Variants in NPAS2 observed in about 807,000 individuals in gnomAD.
The protein encoded by NPAS2 is neuronal PAS domain-containing protein 2.
NPAS2 carries 23 observed loss-of-function variants against 107.5 expected under a neutral mutation model. The observed-to-expected ratio is 0.21, with a 90% CI of 0.15 to 0.30. The LOEUF is 0.30. Among genes scored for constraint, NPAS2 ranks in the 10% least tolerant of loss-of-function variants. The pLI, the probability that NPAS2 is intolerant of heterozygous loss-of-function variation, is 1.00. For synonymous variants in NPAS2, 403 were observed against 417.5 expected (o/e 0.97, Z 0.42); for missense variants, 756 against 1,043.3 (o/e 0.72, Z 3.79).
At chr2:100,907,553 T>C (rs1334621377) in intron 2 of NPAS2, among the ~76,000 whole-genome samples, 1 of 151,642 alleles carries the variant, frequency 6.6e-6, no homozygotes, top group African/African-American at 2.4e-5. Flanking sequence ...TCAAAGTAGT[T>C]TTTATAGCAG....
Position 100,871,329 on chromosome 2 carries a change from G to GT in NPAS2, c.-22-33384dup, listed in dbSNP as rs5832938. ...TGCTGCCCACCTCTTCTTCTTCCTT[G>GT]TTTTTTTTTTTTTTTTTTTTAAAGA... On this transcript the variant is annotated intron_variant, in intron 1 of 20. Coordinates refer to ENST00000335681, the MANE Select transcript of NPAS2 (RefSeq NM_002518.4). Among the ~76,000 whole-genome samples, 1,183 of 127,514 alleles carry GT rather than the reference G, an allele frequency of 9.3e-3. 14 individuals carry two copies. Among genetic ancestry groups the GT allele is most frequent in the African/African-American group, 0.025 (868 of 34,172 alleles). The allele number at this position is 127,514 out of a possible 152,430, so 83.7% of individuals were successfully genotyped here. A position where few individuals can be genotyped will look rare whatever the true frequency, so the allele number is the denominator to read the frequency against.
chr2:100,946,142 AAT>A (rs1674882498), intron 5 of NPAS2, among the ~76,000 whole-genome samples: 1 of 152,166 alleles, frequency 6.6e-6, no homozygotes, highest in Non-Finnish European at 1.5e-5. Flanking sequence ...GCATTTATTG[AAT>A]GTCTGCCACG....
intron 1 of NPAS2, among the ~76,000 whole-genome samples, chr2:100,883,083 A>G (rs1475462987): frequency 1.3e-5 from 2 of 152,186 alleles, no homozygotes; most frequent in African/African-American, 4.8e-5. Context: ...AGTGTCTATG[A>G]TGGATTGGAA....
intron 5 of NPAS2, among the ~76,000 whole-genome samples, chr2:100,946,670 C>T (rs780469453): frequency 5.9e-5 from 9 of 152,172 alleles, no homozygotes; most frequent in East Asian, 3.9e-4. Flanking sequence ...TTATGAGGCT[C>T]CTCTGACTGC....
intron 1 of NPAS2, among the ~76,000 whole-genome samples, chr2:100,862,165 A>G (rs1678982428): frequency 6.6e-6 from 1 of 152,232 alleles, no homozygotes; most frequent in Admixed American, 6.5e-5. Context: ...AAAAAAAAGA[A>G]TACATCTCAA....
intron 1 of NPAS2, chr2:100,901,524 C>G (rs959878077): frequency 2.0e-6 from 2 of 985,300 alleles, no homozygotes; most frequent in Non-Finnish European, 2.4e-6. Context: ...GGGCGTGTTC[C>G]CTTCTCTCTT....
chr2:100,933,805 C>T (rs552401486), intron 4 of NPAS2, among the ~76,000 whole-genome samples: 109 of 152,274 alleles, frequency 7.2e-4, no homozygotes, highest in African/African-American at 2.3e-3. Flanking sequence ...GACATATCCA[C>T]GCCCGCAACC....
At chr2:100,964,996 C>T (rs752776380) in intron 9 of NPAS2, 53 bp downstream of exon 9, 131 of 1,202,788 alleles carry the variant, frequency 1.1e-4, no homozygotes, top group Admixed American at 1.5e-4. Context: ...GTCTTGTTTG[C>T]GTGAGCCAGG....
In NPAS2 at chr2:100,957,890, T is replaced by C. The variant is rs189045037; in HGVS notation, c.599-6168T>C. 1.6e-3 allele frequency among the ~76,000 whole-genome samples: 236 copies of C among 152,238 alleles called. 3 individuals carry two copies. Among genetic ancestry groups the C allele is most frequent in the Non-Finnish European group, 5.1e-4 (35 of 68,018 alleles). On this transcript the variant is annotated intron_variant, in intron 7 of 20. Transcript: ENST00000335681. ...TTGCCGTGAGCTGAGATCGCGCCAC[T>C]GCACTCCAGCCTGGGCGACAGAGCG...
At chr2:100,952,017 TGGC>T (rs1179360253) in intron 7 of NPAS2, among the ~76,000 whole-genome samples, 1 of 151,620 alleles carries the variant, frequency 6.6e-6, no homozygotes. Context: ...GGCGTGGTGG[TGGC>T]GGGCGCCTGT....
At chr2:100,867,055 G>A (rs1025752486) in intron 1 of NPAS2, among the ~76,000 whole-genome samples, 2 of 152,326 alleles carry the variant, frequency 1.3e-5, no homozygotes, top group African/African-American at 4.8e-5. Context: ...TGAAGTGGAT[G>A]CTCCAAATCC....
intron 1 of NPAS2, among the ~76,000 whole-genome samples, chr2:100,861,531 C>G (rs536529388): frequency 6.6e-6 from 1 of 152,170 alleles, no homozygotes; most frequent in East Asian, 1.9e-4. Flanking sequence ...GGTTCTGATT[C>G]GGGCCTGTGC....
intron 6 of NPAS2, 75 bp from the exon 7 acceptor site, chr2:100,949,292 C>A: frequency 1.2e-6 from 1 of 859,680 alleles, no homozygotes; most frequent in Non-Finnish European, 2.0e-6. Context: ...AGAGTTTTCA[C>A]AGAGACGCTA....
chr2:100,922,246 A>G (rs949457219), intron 2 of NPAS2, among the ~76,000 whole-genome samples: 7 of 152,176 alleles, frequency 4.6e-5, no homozygotes, highest in Non-Finnish European at 8.8e-5. Flanking sequence ...ACTATGCACT[A>G]AAATGGATGA....
intron 4 of NPAS2, chr2:100,934,819 TG>T (rs1161669476): frequency 1.1e-5 from 11 of 985,440 alleles, no homozygotes; most frequent in African/African-American, 1.7e-5. Flanking sequence ...TCCCATAGCA[TG>T]GGTCTCTCTC....
At chr2:100,943,386 GT>G (rs1233347464) in intron 5 of NPAS2, among the ~76,000 whole-genome samples, 2 of 152,198 alleles carry the variant, frequency 1.3e-5, no homozygotes, top group African/African-American at 2.4e-5. Flanking sequence ...CTTTGATTGG[GT>G]TTTTTCTTGC....
chr2:100,839,580 A>G (rs1053854752), intron 1 of NPAS2, among the ~76,000 whole-genome samples: 9 of 152,136 alleles, frequency 5.9e-5, no homozygotes, highest in Non-Finnish European at 1.0e-4. Context: ...ATACGTGTTA[A>G]TTGACTGTTA....
chr2:100,857,056 A>G (rs1465664703), intron 1 of NPAS2, among the ~76,000 whole-genome samples: 1 of 152,196 alleles, frequency 6.6e-6, no homozygotes, highest in Admixed American at 6.5e-5. Flanking sequence ...CTATAATCCC[A>G]GCACTTTGGG....
intron 1 of NPAS2, among the ~76,000 whole-genome samples, chr2:100,872,080 T>C (rs1679621571): frequency 6.6e-6 from 1 of 152,198 alleles, no homozygotes; most frequent in Non-Finnish European, 1.5e-5. Flanking sequence ...AGAGGAGTTC[T>C]CCTTTTGAGT....
Sources: gnomAD v4.1 joint callset for allele counts (sites outside exome capture counted in the v4.1 genomes callset) on GRCh38, gnomAD v4.1.1 for gene constraint, MANE v1.5 for transcripts, NCBI Gene and HGNC (gene_info 2026-07-23, HGNC 2026-07-21) for gene names.